FAM47E: variants seen among roughly 807,000 people sequenced by gnomAD.
FAM47E encodes protein FAM47E.
Under a neutral mutation model 41.6 loss-of-function variants are expected in FAM47E, and 32 were observed. That is an observed-to-expected ratio of 0.77 (90% confidence interval 0.58 to 1.03). FAM47E has a LOEUF of 1.03. FAM47E is among the 50% of genes least tolerant of loss of function. The pLI, the probability that FAM47E is intolerant of heterozygous loss-of-function variation, is 0.00. For missense variants in FAM47E, 424 were observed against 485.4 expected (o/e 0.87, Z 1.19); for synonymous variants, 184 against 188.7 (o/e 0.98, Z 0.20).
chr4:76,229,297 CCTT>C (rs1356606405), intron 2 of FAM47E, among the ~76,000 whole-genome samples: 5 of 152,100 alleles, frequency 3.3e-5, no homozygotes, highest in African/African-American at 9.7e-5. Context: ...TCTGGTATCT[CCTT>C]GAGTAGCCTT....
At chr4:76,216,179 C>T (rs1368988984) in intron 1 of FAM47E, among the ~76,000 whole-genome samples, 1 of 152,198 alleles carries the variant, frequency 6.6e-6, no homozygotes, top group Admixed American at 6.5e-5. Context: ...TGTTAAGTTT[C>T]AGTTAGCTAC....
chr4:76,217,861 CT>C (rs1560725969), intron 2 of FAM47E, among the ~76,000 whole-genome samples: 1 of 152,114 alleles, frequency 6.6e-6, no homozygotes, highest in Admixed American at 6.5e-5. Context: ...TCATTCGGGA[CT>C]TAGAAAAAGA....
chr4:76,221,475 C>T (rs543512441), intron 2 of FAM47E, among the ~76,000 whole-genome samples: 135 of 152,216 alleles, frequency 8.9e-4, no homozygotes, highest in African/African-American at 3.2e-3. Context: ...CCTGGTACCA[C>T]ATCTGCCTAA....
chr4:76,260,196 A>G (rs1227300251), intron 2 of FAM47E, among the ~76,000 whole-genome samples: 1 of 152,222 alleles, frequency 6.6e-6, no homozygotes, highest in Non-Finnish European at 1.5e-5. Context: ...AATTTTTCAA[A>G]TAATTAGAAA....
chr4:76,238,086 A>T (rs1350134500), intron 2 of FAM47E, among the ~76,000 whole-genome samples: 2 of 152,246 alleles, frequency 1.3e-5, no homozygotes, highest in African/African-American at 4.8e-5. Context: ...CAGACCCGGG[A>T]GGCTTTGAAT....
intron 1 of FAM47E, among the ~76,000 whole-genome samples, chr4:76,214,778 T>G (rs915868442): frequency 1.3e-5 from 2 of 152,170 alleles, no homozygotes; most frequent in Non-Finnish European, 2.9e-5. Context: ...CCCTTGGCAG[T>G]CCTATGAATA....
chr4:76,271,423 T>C, intron 4 of FAM47E, 145 bp from the exon 5 acceptor site: 1 of 966,484 alleles, frequency 1.0e-6, no homozygotes, highest in Non-Finnish European at 1.5e-6. Context: ...CCCCAAACAC[T>C]TCTTGTCTTC....
intron 3 of FAM47E, among the ~76,000 whole-genome samples, chr4:76,267,315 T>A (rs537269915): frequency 6.6e-6 from 1 of 152,172 alleles, no homozygotes; most frequent in South Asian, 2.1e-4. Flanking sequence ...CACATGTATG[T>A]TGAGATATGA....
chr4:76,247,044 T>G (rs141022731), upstream of FAM47E, among the ~76,000 whole-genome samples: 488 of 152,250 alleles, frequency 3.2e-3, 3 homozygotes, highest in African/African-American at 0.011. Context: ...TCATTATCAC[T>G]ATTTCAAAAT....
intron 4 of FAM47E, among the ~76,000 whole-genome samples, chr4:76,270,786 A>G (rs1003080569): frequency 1.3e-5 from 2 of 152,102 alleles, no homozygotes; most frequent in Admixed American, 1.3e-4. Context: ...GATTTTCTTC[A>G]CAGCACTAGC....
chr4:76,254,764 T>C (rs1734119094), intron 1 of FAM47E, among the ~76,000 whole-genome samples: 1 of 152,186 alleles, frequency 6.6e-6, no homozygotes, highest in African/African-American at 2.4e-5. Flanking sequence ...TAGAATTACC[T>C]AACTAAGGCA....
chr4:76,276,765 T>C (rs1735136064), intron 5 of FAM47E, among the ~76,000 whole-genome samples: 1 of 152,160 alleles, frequency 6.6e-6, no homozygotes, highest in Admixed American at 6.5e-5. Context: ...GGGAACAGTG[T>C]GTGTAGAGGC....
chr4:76,229,209 A>G (rs1004840811), intron 2 of FAM47E, among the ~76,000 whole-genome samples: 6 of 151,910 alleles, frequency 3.9e-5, no homozygotes, highest in African/African-American at 1.5e-4. Context: ...TTTCTTTATG[A>G]TGTCTGTTTC....
intron 3 of FAM47E, 174 bp from the exon 4 acceptor site, chr4:76,268,486 A>G (rs1452197054): frequency 1.7e-6 from 1 of 589,574 alleles, no homozygotes; most frequent in Non-Finnish European, 2.9e-6. Flanking sequence ...TGTCTTTATG[A>G]TATTCGTAAT....
intron 3 of FAM47E, among the ~76,000 whole-genome samples, chr4:76,266,539 A>G (rs1327395776): frequency 6.6e-6 from 1 of 152,190 alleles, no homozygotes; most frequent in Non-Finnish European, 1.5e-5. Flanking sequence ...CCAAGATTCC[A>G]TCACCTCTTG....
intron 7 of FAM47E, chr4:76,281,915 G>T (rs944342851): frequency 6.6e-6 from 1 of 152,198 alleles, no homozygotes; most frequent in Non-Finnish European, 1.5e-5. Context: ...TGCCAACAAT[G>T]CACTGGATAT....
In FAM47E at chr4:76,276,434, G is replaced by A. The variant is rs572869218; in HGVS notation, c.871-1635G>A. ...GTCGCCCAGGCTGGAGTGCAGTGGC[G>A]TGATCCCAGCTCACTGCAACCTCCA... On this transcript the variant is annotated intron_variant, in intron 5 of 7. Coordinates refer to ENST00000424749, the MANE Select transcript of FAM47E (RefSeq NM_001136570.3). Among the ~76,000 whole-genome samples, 21 of 151,278 alleles carry A rather than the reference G, an allele frequency of 1.4e-4. 1 individual carries two copies. The South Asian group carries it at 2.1e-3, about 15-fold the overall frequency.
At chr4:76,228,933 C>CA (rs35309219) in intron 2 of FAM47E, among the ~76,000 whole-genome samples, 140,398 of 152,226 alleles carry the variant, frequency 0.92, 65,753 homozygotes, top group East Asian at 1. Flanking sequence ...ATAAATTTCC[C>CA]AACTTTTAAA....
At chr4:76,252,976 T>C (rs1365420459) in intron 1 of FAM47E, among the ~76,000 whole-genome samples, 2 of 152,208 alleles carry the variant, frequency 1.3e-5, no homozygotes, top group African/African-American at 4.8e-5. Context: ...TACATAAAGA[T>C]ACAAAACTGT....
Sources: gnomAD v4.1 joint callset for allele counts (sites outside exome capture counted in the v4.1 genomes callset) on GRCh38, gnomAD v4.1.1 for gene constraint, MANE v1.5 for transcripts, NCBI Gene and HGNC (gene_info 2026-07-23, HGNC 2026-07-21) for gene names.